Variants in HOXB3 observed in about 807,000 individuals in gnomAD.
HOXB3 encodes the protein homeobox B3, also known as homeobox protein Hox-B3.
Under a neutral mutation model 29.2 loss-of-function variants are expected in HOXB3, and 17 were observed. The ratio of observed to expected loss-of-function variants is 0.58; its 90% CI spans 0.40 to 0.87. The LOEUF is 0.87. Ranked by LOEUF, HOXB3 falls within the 40% of genes least tolerant of loss-of-function variation. The probability of loss-of-function intolerance (pLI) is 0.00; values close to 1 mark genes in which losing one functional copy is unlikely to be tolerated. For missense variants in HOXB3, 637 were observed against 616.3 expected (o/e 1.03, Z -0.35); for synonymous variants, 317 against 285.9 (o/e 1.11, Z -1.10).
At position 48,566,838 on chromosome 17, in the gene HOXB3, C is replaced by G. The variant is rs188154998; in HGVS notation, c.-247+6999G>C. Among the ~76,000 whole-genome samples the G allele has an allele frequency of 2.2e-4, 34 of 152,320 alleles. No individual in the cohort carries two copies. The East Asian group carries it at 4.4e-3, about 20-fold the overall frequency. ...CGCACCCTCTTCACAGTCATACCCC[C>G]CAACACTTTCCAGATGAGGGAGAAG... On this transcript the variant is annotated intron_variant, in intron 2 of 4. Coordinates refer to ENST00000498678, the MANE Select transcript of HOXB3 (RefSeq NM_001384749.1).
At chr17:48,579,041 T>C (rs2069867109) in intron 1 of HOXB3, 1 of 152,138 alleles carries the variant, frequency 6.6e-6, no homozygotes, top group Non-Finnish European at 1.5e-5. Flanking sequence ...CGATAGGAAA[T>C]TCATGCACTA....
Position 48,550,822 on chromosome 17 carries a change from G to A in HOXB3, c.808C>T (p.Gln270Ter). 6.2e-7 allele frequency: 1 copy of A among 1,613,728 alleles called. No homozygotes were observed. The highest frequency in any genetic ancestry group is 8.5e-7 in the Non-Finnish European group (1 of 1,179,844). Reference protein sequence around the residue: ...SPAGSPPQPMQSTAGFMNALH... With the variant: ...SPAGSPPQPM Reference sequence around the variant, plus strand: ...GCGTTCATGAAGCCGGCCGTGGACTGCATGGGCTGCGGGGGGCTGCCGGCT... The same window carrying A: ...GCGTTCATGAAGCCGGCCGTGGACTACATGGGCTGCGGGGGGCTGCCGGCT... Residue 270 changes from glutamine to a stop codon, truncating the protein, a stop_gained, in exon 5 of 5, where the codon CAG (glutamine) becomes TAG (stop). Coordinates refer to ENST00000498678, the MANE Select transcript of HOXB3 (RefSeq NM_001384749.1). LOFTEE classifies it high-confidence loss of function.
chr17:48,557,368 G>A (rs1452657629), intron 2 of HOXB3: 1 of 152,296 alleles, frequency 6.6e-6, no homozygotes, highest in Non-Finnish European at 1.5e-5. Flanking sequence ...GGTGAGAGTT[G>A]ATTTCCAGCT....
chr17:48,560,978 C>T (rs546404716), intron 2 of HOXB3, among the ~76,000 whole-genome samples: 6 of 152,078 alleles, frequency 3.9e-5, no homozygotes, highest in Admixed American at 6.6e-5. Flanking sequence ...GTTGGGAGTT[C>T]GAGACCAGCC....
At chr17:48,571,336 T>C (rs1205772295) in intron 2 of HOXB3, among the ~76,000 whole-genome samples, 1 of 152,186 alleles carries the variant, frequency 6.6e-6, no homozygotes, top group Non-Finnish European at 1.5e-5. Context: ...GGAGACCCAC[T>C]GCCAGCGCTG....
chr17:48,574,086 T>G, intron 1 of HOXB3, 72 bp from the exon 2 acceptor site: 1 of 565,472 alleles, frequency 1.8e-6, no homozygotes, highest in Non-Finnish European at 3.1e-6. Context: ...TTCTGTATAA[T>G]TCTCACATTT....
chr17:48,570,400 G>GCAGAAAAGACATTC (rs1178182694), intron 2 of HOXB3, among the ~76,000 whole-genome samples: 3 of 152,200 alleles, frequency 2.0e-5, no homozygotes, highest in African/African-American at 7.2e-5. Flanking sequence ...GCAAAGGGAA[G>GCAGAAAAGACATTC]CAGAAAAGAC....
intron 2 of HOXB3, among the ~76,000 whole-genome samples, chr17:48,569,358 C>G (rs923517168): frequency 5.3e-5 from 8 of 152,130 alleles, no homozygotes. Context: ...GTCTCCCACA[C>G]TCACATCCAT....
chr17:48,572,539 T>G (rs2144860632), intron 2 of HOXB3, among the ~76,000 whole-genome samples: 1 of 152,222 alleles, frequency 6.6e-6, no homozygotes, highest in South Asian at 2.1e-4. Context: ...CTTTCTTCCC[T>G]CAGTTCCCTC....
intron 2 of HOXB3, among the ~76,000 whole-genome samples, chr17:48,568,218 A>G (rs769185165): frequency 2.0e-5 from 3 of 152,146 alleles, no homozygotes; most frequent in African/African-American, 4.8e-5. Flanking sequence ...AAACTCCTGG[A>G]GGGGAGCTGC....
intron 1 of HOXB3, chr17:48,577,122 C>G: frequency 8.5e-7 from 1 of 1,171,476 alleles, no homozygotes; most frequent in Non-Finnish European, 1.2e-6. Flanking sequence ...CTCCCTCTCC[C>G]GCCACCTCTT....
chr17:48,589,694 G>A (rs1315524419), intron 1 of HOXB3, among the ~76,000 whole-genome samples: 1 of 152,090 alleles, frequency 6.6e-6, no homozygotes, highest in Non-Finnish European at 1.5e-5. Flanking sequence ...AGTGCCCAGC[G>A]GTGCACCCCC....
Position 48,589,772 on chromosome 17 carries a change from T to C in HOXB3, c.-425+353A>G, listed in dbSNP as rs1055682429. On this transcript the variant is annotated intron_variant, in intron 1 of 4. Coordinates refer to ENST00000498678, the MANE Select transcript of HOXB3 (RefSeq NM_001384749.1). ...GGATGGGGGGATAGTTGTCTGAAGA[T>C]ATCCAGCAGTGAAGTGGCCCCCACC... Among the ~76,000 whole-genome samples, 11 of 152,290 alleles carry C rather than the reference T, an allele frequency of 7.2e-5. No individual in the cohort carries two copies. The South Asian group carries it at 1.2e-3, about 17-fold the overall frequency.
intron 2 of HOXB3, among the ~76,000 whole-genome samples, chr17:48,566,833 A>AC (rs914682083): frequency 2.1e-4 from 32 of 151,872 alleles, no homozygotes; most frequent in African/African-American, 7.5e-4. Context: ...TCACAGTCAT[A>AC]CCCCCCAACA....
chr17:48,564,605 C>T (rs2069326363), intron 2 of HOXB3, among the ~76,000 whole-genome samples: 2 of 152,222 alleles, frequency 1.3e-5, no homozygotes, highest in South Asian at 2.1e-4. Context: ...GCTTTGAGAG[C>T]GGGCCAAGTT....
At chr17:48,586,791 A>G (rs146021048) in intron 1 of HOXB3, among the ~76,000 whole-genome samples, 81 of 152,312 alleles carry the variant, frequency 5.3e-4, no homozygotes, top group African/African-American at 1.8e-3. Flanking sequence ...GACCATCACT[A>G]CCAACAACAA....
At chr17:48,574,073 G>C in intron 1 of HOXB3, 59 bp from the exon 2 acceptor site, 1 of 572,062 alleles carries the variant, frequency 1.7e-6, no homozygotes, top group Non-Finnish European at 3.1e-6. Context: ...GTGATTAATG[G>C]TTTTCTGTAT....
chr17:48,550,302 C>T lies in HOXB3; in HGVS notation c.*32G>A, dbSNP rs754187524. Reference sequence around the variant, plus strand: ...GAGCTCCACAGTCTCTCTCTTCCTCCCCATCCCCTAATCCTCGTTCGCCCT... The same window carrying T: ...GAGCTCCACAGTCTCTCTCTTCCTCTCCATCCCCTAATCCTCGTTCGCCCT... On this transcript the variant is annotated 3_prime_UTR_variant, in exon 5 of 5. Transcript: ENST00000498678. 1.2e-5 allele frequency: 19 copies of T among 1,612,826 alleles called. No individual in the cohort carries two copies. Among genetic ancestry groups the T allele is most frequent in the South Asian group, 8.8e-5 (8 of 91,014 alleles).
chr17:48,582,394 C>T (rs1326208534), intron 1 of HOXB3: 1 of 152,034 alleles, frequency 6.6e-6, no homozygotes, highest in Non-Finnish European at 1.5e-5. Flanking sequence ...AAAACCGGAC[C>T]GCGGCGGCGG....
Sources: allele counts gnomAD v4.1 joint callset (sites outside exome capture counted in the v4.1 genomes callset), GRCh38; gene constraint gnomAD v4.1.1; transcripts MANE v1.5; gene names NCBI Gene and HGNC (gene_info 2026-07-23, HGNC 2026-07-21).